Variants in CDH12 observed in about 807,000 individuals in gnomAD.
CDH12 encodes cadherin-12.
In CDH12, 41 loss-of-function variants were observed where a neutral mutation model predicts 74.1. That is an observed-to-expected ratio of 0.55 (90% CI 0.43 to 0.72). The LOEUF (loss-of-function observed/expected upper bound fraction) is 0.72, where lower values mean the gene tolerates loss of function less well. Ranked by LOEUF, CDH12 falls within the 30% of genes least tolerant of loss-of-function variation. CDH12 has a pLI of 0.00. For missense variants in CDH12, 945 were observed against 977.2 expected (o/e 0.97, Z 0.44); for synonymous variants, 399 against 355.0 (o/e 1.12, Z -1.39).
chr5:22,428,269 G>T (rs951753205), intron 2 of CDH12, among the ~76,000 whole-genome samples: 1 of 151,530 alleles, frequency 6.6e-6, no homozygotes, highest in African/African-American at 2.4e-5. Context: ...TGTATATATA[G>T]ATATCATATA....
intron 9 of CDH12, among the ~76,000 whole-genome samples, chr5:21,809,688 A>G (rs2149934660): frequency 1.3e-5 from 2 of 152,282 alleles, no homozygotes; most frequent in Middle Eastern, 6.8e-3. Flanking sequence ...AAAACAGTAA[A>G]CCAACAGAAG....
chr5:22,814,913 C>T (rs763954740), intron 1 of CDH12, among the ~76,000 whole-genome samples: 8 of 151,980 alleles, frequency 5.3e-5, no homozygotes, highest in African/African-American at 1.2e-4. Context: ...ATAAGTAACA[C>T]GAAAACTTTG....
intron 2 of CDH12, among the ~76,000 whole-genome samples, chr5:22,485,688 T>C (rs542499598): frequency 6.6e-6 from 1 of 152,298 alleles, no homozygotes; most frequent in South Asian, 2.1e-4. Flanking sequence ...AGATTTTACC[T>C]TATCTTATAT....
At chr5:22,227,720 T>G (rs1310652853) in intron 3 of CDH12, among the ~76,000 whole-genome samples, 1 of 152,138 alleles carries the variant, frequency 6.6e-6, no homozygotes, top group African/African-American at 2.4e-5. Flanking sequence ...GGAAAGTGTG[T>G]GATTCTCTAG....
In CDH12 at chr5:22,609,521, C is replaced by T. The variant is rs546821122; in HGVS notation, c.-522-104157G>A. Among the ~76,000 whole-genome samples the T allele has an allele frequency of 7.2e-5, 11 of 152,284 alleles. No homozygotes were observed. In the East Asian group the frequency reaches 2.1e-3, roughly 29 times the overall value. On this transcript the variant is annotated intron_variant, in intron 1 of 14. Coordinates refer to ENST00000382254, the MANE Select transcript of CDH12 (RefSeq NM_004061.5). ...GCTCAGTGCTCAGAATATAAATGTTCACAAATTCCTGCAAAATTGTTCATG... is the reference window on the plus strand; with the variant it reads ...GCTCAGTGCTCAGAATATAAATGTTTACAAATTCCTGCAAAATTGTTCATG...
chr5:21,956,750 G>C (rs184476230), intron 6 of CDH12, among the ~76,000 whole-genome samples: 1,773 of 151,724 alleles, frequency 0.012, 17 homozygotes, highest in African/African-American at 0.039. Context: ...GGTGATTCTT[G>C]GTTTTCTCAG....
At chr5:22,056,068 C>T (rs1408614313) in intron 5 of CDH12, among the ~76,000 whole-genome samples, 7 of 152,004 alleles carry the variant, frequency 4.6e-5, no homozygotes, top group Admixed American at 3.9e-4. Flanking sequence ...TTTTTTAGTA[C>T]ATTTTTTATT....
intron 5 of CDH12, among the ~76,000 whole-genome samples, chr5:22,066,494 C>T (rs1465409506): frequency 6.6e-6 from 1 of 152,156 alleles, no homozygotes; most frequent in Non-Finnish European, 1.5e-5. Context: ...TTGTGGAGGT[C>T]AGCGGACCAA....
chr5:22,573,654 G>T (rs1044268040), intron 1 of CDH12, among the ~76,000 whole-genome samples: 1 of 152,074 alleles, frequency 6.6e-6, no homozygotes, highest in African/African-American at 2.4e-5. Flanking sequence ...GATCTTTTAA[G>T]TGTACTATTG....
At chr5:21,879,640 T>C (rs944612082) in intron 6 of CDH12, among the ~76,000 whole-genome samples, 2 of 152,230 alleles carry the variant, frequency 1.3e-5, no homozygotes, top group Non-Finnish European at 2.9e-5. Context: ...TATATCATTA[T>C]GTGGAATTTT....
chr5:22,625,630 C>T (rs185899087), intron 1 of CDH12, among the ~76,000 whole-genome samples: 3 of 152,276 alleles, frequency 2.0e-5, no homozygotes, highest in East Asian at 3.9e-4. Context: ...AGAGCATGGC[C>T]GTCTTGCCCA....
chr5:22,534,838 T>C (rs905961003), intron 1 of CDH12, among the ~76,000 whole-genome samples: 1 of 151,626 alleles, frequency 6.6e-6, no homozygotes, highest in Non-Finnish European at 1.5e-5. Flanking sequence ...TCAAACAGGG[T>C]AATTAGTAGT....
intron 3 of CDH12, among the ~76,000 whole-genome samples, chr5:22,316,039 C>A (rs1163931198): frequency 6.6e-6 from 1 of 151,996 alleles, no homozygotes. Flanking sequence ...TAACAGAGTC[C>A]TGACAAGAGA....
At chr5:22,359,478 A>G (rs1161302888) in intron 3 of CDH12, among the ~76,000 whole-genome samples, 1 of 152,138 alleles carries the variant, frequency 6.6e-6, no homozygotes, top group Non-Finnish European at 1.5e-5. Flanking sequence ...CACAATAATA[A>G]TGGGAGACTT....
At chr5:22,845,933 A>T (rs1737280875) in intron 1 of CDH12, among the ~76,000 whole-genome samples, 1 of 152,160 alleles carries the variant, frequency 6.6e-6, no homozygotes, top group Non-Finnish European at 1.5e-5. Context: ...TACAGTCTAG[A>T]TGTGAGACAA....
chr5:22,628,796 G>A (rs895158819), intron 1 of CDH12, among the ~76,000 whole-genome samples: 2 of 151,852 alleles, frequency 1.3e-5, no homozygotes, highest in African/African-American at 4.8e-5. Flanking sequence ...ACAAAAGATC[G>A]ATGAATCCAG....
chr5:21,976,716 T>C (rs1193148967), intron 5 of CDH12, among the ~76,000 whole-genome samples: 2 of 151,918 alleles, frequency 1.3e-5, no homozygotes, highest in East Asian at 1.9e-4. Context: ...AAAAGAAAAA[T>C]AAACTTTTGC....
At chr5:22,176,263 T>G (rs1749334157) in intron 4 of CDH12, among the ~76,000 whole-genome samples, 1 of 152,132 alleles carries the variant, frequency 6.6e-6, no homozygotes, top group South Asian at 2.1e-4. Flanking sequence ...TTCAAAACCA[T>G]GTAAACATGT....
intron 4 of CDH12, among the ~76,000 whole-genome samples, chr5:22,094,584 G>T (rs556348070): frequency 6.6e-6 from 1 of 152,226 alleles, no homozygotes; most frequent in Non-Finnish European, 1.5e-5. Flanking sequence ...GGAGAAAGAA[G>T]AAAGGAGATT....
Sources: gnomAD v4.1 joint callset for allele counts (sites outside exome capture counted in the v4.1 genomes callset) on GRCh38, gnomAD v4.1.1 for gene constraint, MANE v1.5 for transcripts, NCBI Gene and HGNC (gene_info 2026-07-23, HGNC 2026-07-21) for gene names.